PTPRT: variants seen among roughly 807,000 people sequenced by gnomAD.
PTPRT encodes the protein receptor-type tyrosine-protein phosphatase T.
PTPRT carries 56 observed loss-of-function variants against 176.8 expected under a neutral mutation model. The observed-to-expected ratio is 0.32, with a 90% CI of 0.26 to 0.40. PTPRT has a LOEUF of 0.40. PTPRT is among the 10% of genes least tolerant of loss of function. The probability of loss-of-function intolerance (pLI) is 1.00; values close to 1 mark genes in which losing one functional copy is unlikely to be tolerated. For missense variants in PTPRT, 1,540 were observed against 1,908.2 expected, an observed-to-expected ratio of 0.81 and a Z score of 3.60; for synonymous variants, 783 against 739.0, an observed-to-expected ratio of 1.06 and a Z score of -0.96.
chr20:43,050,282 G>T (rs1986993453), intron 1 of PTPRT, among the ~76,000 whole-genome samples: 1 of 152,226 alleles, frequency 6.6e-6, no homozygotes, highest in Non-Finnish European at 1.5e-5. Context: ...CACACGACTG[G>T]TGGTGATGGT....
chr20:42,359,254 G>A (rs149236982), intron 9 of PTPRT, among the ~76,000 whole-genome samples: 16 of 152,306 alleles, frequency 1.1e-4, no homozygotes, highest in Admixed American at 5.9e-4. Flanking sequence ...CAACACCGGG[G>A]TCCCTTTGGA....
chr20:43,189,655 T>A lies in PTPRT; in HGVS notation c.79A>T (p.Ser27Cys). ...LPPLPGARAQ[S>C]AAGGCSFDEH... ...GGGCGGGCGCACTCACCTGCGGCGC[T>A]CTGAGCCCGGGCGCCGGGCAGTGGC... Residue 27 changes from serine to cysteine, a missense_variant, in exon 1 of 31, where the codon AGC becomes TGC. Coordinates refer to ENST00000373187, the MANE Select transcript of PTPRT (RefSeq NM_007050.6). The surrounding 1 kb of genome is among the most constrained non-coding windows in gnomAD (Gnocchi z 5.0). 1 of 1,305,392 alleles carries A rather than the reference T, an allele frequency of 7.7e-7. No homozygotes were observed. The highest frequency in any genetic ancestry group is 2.1e-5 in the South Asian group (1 of 47,136). 80.9% of individuals were successfully genotyped at this position (1,305,392 alleles called of 1,614,324 possible).
chr20:42,365,277 A>T (rs1290898517), intron 9 of PTPRT, among the ~76,000 whole-genome samples: 1 of 152,196 alleles, frequency 6.6e-6, no homozygotes. Context: ...TAGTAGCTAG[A>T]CCAGGGTTTC....
chr20:43,071,552 G>A (rs181501453), intron 1 of PTPRT, among the ~76,000 whole-genome samples: 4 of 152,240 alleles, frequency 2.6e-5, no homozygotes, highest in South Asian at 2.1e-4. Flanking sequence ...TGAGGGGGCC[G>A]ATGCAGGTGG....
At chr20:42,351,838 T>A (rs1243013792) in intron 10 of PTPRT, among the ~76,000 whole-genome samples, 2 of 152,248 alleles carry the variant, frequency 1.3e-5, no homozygotes, top group African/African-American at 2.4e-5. Flanking sequence ...GTGTACTATT[T>A]AATGCAAGCC....
At chr20:42,604,945 G>T (rs1013346410) in intron 7 of PTPRT, among the ~76,000 whole-genome samples, 3 of 152,198 alleles carry the variant, frequency 2.0e-5, no homozygotes, top group Non-Finnish European at 4.4e-5. Flanking sequence ...CAGTCCAGGG[G>T]TTTGTGTTGC....
At chr20:42,232,185 A>G (rs149687625) in intron 15 of PTPRT, among the ~76,000 whole-genome samples, 1 of 152,338 alleles carries the variant, frequency 6.6e-6, no homozygotes, top group East Asian at 1.9e-4. Flanking sequence ...ATGAATAAAC[A>G]CTGATTTCAT....
chr20:43,062,336 A>T (rs1987501263), intron 1 of PTPRT, among the ~76,000 whole-genome samples: 1 of 152,254 alleles, frequency 6.6e-6, no homozygotes, highest in South Asian at 2.1e-4. Context: ...TGGGTAACCT[A>T]GGGCAAGCCA....
chr20:42,053,448 T>C, the PTPRT span, among the ~76,000 whole-genome samples: 2 of 152,196 alleles, frequency 1.3e-5, no homozygotes, highest in Non-Finnish European at 2.9e-5. Context: ...CCCTGGAATA[T>C]GCCAGAGGTG....
intron 15 of PTPRT, among the ~76,000 whole-genome samples, chr20:42,202,168 C>T (rs538771960): frequency 1.6e-4 from 24 of 152,198 alleles, no homozygotes; most frequent in Middle Eastern, 3.4e-3. Context: ...CAGCGTTTTA[C>T]CATATTGCCC....
Position 42,288,717 on chromosome 20 carries a change from T to C in PTPRT, c.2140-6192A>G, listed in dbSNP as rs2057272178. On this transcript the variant is annotated intron_variant, in intron 12 of 30. Transcript: ENST00000373187. Reference sequence around the variant, plus strand: ...GGTTTTATTCTTTTTTATGGCTGCATAGTATTCCATGGAGTATATGAACCA... The same window carrying C: ...GGTTTTATTCTTTTTTATGGCTGCACAGTATTCCATGGAGTATATGAACCA... Among the ~76,000 whole-genome samples, 2 of 152,192 alleles carry C rather than the reference T, an allele frequency of 1.3e-5. 1 individual carries two copies. The highest frequency in any genetic ancestry group is 4.1e-4 in the South Asian group (2 of 4,828).
chr20:42,197,777 T>C (rs527986531), intron 16 of PTPRT, among the ~76,000 whole-genome samples: 1 of 152,052 alleles, frequency 6.6e-6, no homozygotes, highest in Non-Finnish European at 1.5e-5. Context: ...TACAGCCAAG[T>C]GCAAAAGTGC....
At chr20:43,041,765 T>C (rs1264908370) in intron 1 of PTPRT, among the ~76,000 whole-genome samples, 1 of 152,260 alleles carries the variant, frequency 6.6e-6, no homozygotes, top group Non-Finnish European at 1.5e-5. Flanking sequence ...CCACTAGCTT[T>C]TTTTGTAAAT....
chr20:42,096,341 G>A (rs1262238367), intron 27 of PTPRT, among the ~76,000 whole-genome samples: 1 of 151,790 alleles, frequency 6.6e-6, no homozygotes, highest in Non-Finnish European at 1.5e-5. Context: ...GGTTGCTCAC[G>A]CCTGTAATCC....
At chr20:42,291,263 C>A (rs938207243) in intron 12 of PTPRT, among the ~76,000 whole-genome samples, 1 of 152,130 alleles carries the variant, frequency 6.6e-6, no homozygotes, top group Non-Finnish European at 1.5e-5. Context: ...CTATGTGCCA[C>A]ACATTGGGCT....
intron 1 of PTPRT, among the ~76,000 whole-genome samples, chr20:43,083,756 G>C (rs2011530333): frequency 6.6e-6 from 1 of 152,012 alleles, no homozygotes; most frequent in African/African-American, 2.4e-5. Context: ...ACTCCAAAAA[G>C]ATCCTTCATG....
intron 2 of PTPRT, among the ~76,000 whole-genome samples, chr20:42,836,316 G>A (rs1035266832): frequency 5.3e-5 from 8 of 152,140 alleles, no homozygotes; most frequent in Non-Finnish European, 8.8e-5. Context: ...CACCTCCCAA[G>A]AGACAAGTCC....
chr20:42,108,715 A>AAAAC lies in PTPRT; in HGVS notation c.3254+1614_3254+1617dup, dbSNP rs373864142. ...AAATAATCTGGGGAGGGGGAGAAAG[A>AAAAC]AAACATTAAGAGGAGGCAGAGAATA... On this transcript the variant is annotated intron_variant, in intron 23 of 30. Coordinates refer to ENST00000373187, the MANE Select transcript of PTPRT (RefSeq NM_007050.6). 1.3e-3 allele frequency among the ~76,000 whole-genome samples: 201 copies of AAAAC among 152,316 alleles called. 1 individual carries two copies. The highest frequency in any genetic ancestry group is 4.4e-3 in the African/African-American group (184 of 41,566).
chr20:42,252,531 G>T (rs1297477313), intron 13 of PTPRT, among the ~76,000 whole-genome samples: 1 of 152,132 alleles, frequency 6.6e-6, no homozygotes, highest in South Asian at 2.1e-4. Context: ...AAGTAAACCT[G>T]GGAGAGTGTA....
Sources: gnomAD v4.1 joint callset for allele counts (sites outside exome capture counted in the v4.1 genomes callset) on GRCh38, gnomAD v4.1.1 for gene constraint, Gnocchi (gnomAD v3.1) non-coding constraint, MANE v1.5 for transcripts, NCBI Gene and HGNC (gene_info 2026-07-23, HGNC 2026-07-21) for gene names.